The following AGPS variants were observed in gnomAD, a reference collection of about 807,000 sequenced individuals.
AGPS encodes the protein alkyldihydroxyacetonephosphate synthase, peroxisomal.
AGPS carries 26 observed loss-of-function variants against 90.7 expected under a neutral mutation model. The ratio of observed to expected loss-of-function variants is 0.29; its 90% CI spans 0.21 to 0.40. The LOEUF (loss-of-function observed/expected upper bound fraction) is 0.40. Among genes scored for constraint, AGPS ranks in the 10% least tolerant of loss-of-function variants. The pLI is 1.00. For missense variants in AGPS, 540 were observed against 816.1 expected (o/e 0.66, Z 4.12); for synonymous variants, 294 against 285.3 (o/e 1.03, Z -0.31).
intron 14 of AGPS, among the ~76,000 whole-genome samples, chr2:177,502,130 C>A (rs1268729834): frequency 1.3e-5 from 2 of 152,172 alleles, no homozygotes; most frequent in Non-Finnish European, 2.9e-5. Context: ...GTACTTCTAG[C>A]AGTTTTGCTT....
intron 5 of AGPS, among the ~76,000 whole-genome samples, chr2:177,439,301 T>C (rs1033982973): frequency 1.3e-5 from 2 of 152,108 alleles, no homozygotes; most frequent in Admixed American, 6.5e-5. Flanking sequence ...TATTGGGTAG[T>C]GTTAAGTGCT....
chr2:177,410,975 C>T (rs770263823), intron 1 of AGPS, among the ~76,000 whole-genome samples: 2 of 152,044 alleles, frequency 1.3e-5, no homozygotes, highest in African/African-American at 2.4e-5. Flanking sequence ...CCTTGTAGGC[C>T]GCACTGGAAG....
intron 1 of AGPS, among the ~76,000 whole-genome samples, chr2:177,414,704 A>G (rs1261358267): frequency 6.6e-6 from 1 of 152,164 alleles, no homozygotes; most frequent in Non-Finnish European, 1.5e-5. Context: ...GTATATATGG[A>G]AGAAAGAATT....
intron 1 of AGPS, among the ~76,000 whole-genome samples, chr2:177,400,159 C>T (rs1434255815): frequency 6.6e-6 from 1 of 152,142 alleles, no homozygotes; most frequent in Non-Finnish European, 1.5e-5. Context: ...TTCTTAAGTA[C>T]ATCAATTGTT....
At chr2:177,516,227 T>A (rs1286378343) in intron 17 of AGPS, among the ~76,000 whole-genome samples, 1 of 152,164 alleles carries the variant, frequency 6.6e-6, no homozygotes, top group Non-Finnish European at 1.5e-5. Flanking sequence ...AGGGTACATT[T>A]ATTGAGTTCA....
chr2:177,505,380 C>A, intron 14 of AGPS, 126 bp from the exon 15 acceptor site: 1 of 827,502 alleles, frequency 1.2e-6, no homozygotes, highest in Admixed American at 2.2e-5. Flanking sequence ...TAAGATGAAA[C>A]AGAAATATTA....
intron 19 of AGPS, among the ~76,000 whole-genome samples, chr2:177,525,393 G>A (rs949642967): frequency 5.9e-5 from 9 of 152,060 alleles, no homozygotes; most frequent in African/African-American, 2.2e-4. Context: ...TGATTACATG[G>A]GACAGAGGAA....
intron 10 of AGPS, among the ~76,000 whole-genome samples, chr2:177,471,287 T>C (rs1378810242): frequency 6.6e-6 from 1 of 152,204 alleles, no homozygotes; most frequent in Non-Finnish European, 1.5e-5. Flanking sequence ...AGTTAAATCA[T>C]TTGATGACAA....
intron 19 of AGPS, among the ~76,000 whole-genome samples, chr2:177,526,882 TA>T (rs2079093320): frequency 6.6e-6 from 1 of 152,230 alleles, no homozygotes. Flanking sequence ...TAACCTCTTT[TA>T]ATTCTGCTTA....
intron 19 of AGPS, among the ~76,000 whole-genome samples, chr2:177,535,627 A>G (rs1156924010): frequency 6.6e-6 from 1 of 152,190 alleles, no homozygotes; most frequent in Admixed American, 6.6e-5. Flanking sequence ...GAATCTCAAG[A>G]AGACTCCAAT....
intron 8 of AGPS, among the ~76,000 whole-genome samples, chr2:177,450,207 A>G (rs913727891): frequency 6.6e-6 from 1 of 152,134 alleles, no homozygotes; most frequent in Non-Finnish European, 1.5e-5. Flanking sequence ...TATTCTGGGA[A>G]TAAGTCTTTT....
At chr2:177,527,904 T>A (rs1290217057) in intron 19 of AGPS, among the ~76,000 whole-genome samples, 1 of 152,234 alleles carries the variant, frequency 6.6e-6, no homozygotes, top group Non-Finnish European at 1.5e-5. Flanking sequence ...GGTCAAAATA[T>A]GACCGCATGG....
At chr2:177,498,627 T>TA (rs1559073252) in intron 13 of AGPS, among the ~76,000 whole-genome samples, 1 of 117,056 alleles carries the variant, frequency 8.5e-6, no homozygotes, top group South Asian at 2.5e-4. Context: ...AAATGAGAAT[T>TA]TAAAAAAAAA....
intron 5 of AGPS, among the ~76,000 whole-genome samples, chr2:177,438,333 A>C (rs751570061): frequency 5.3e-5 from 8 of 152,168 alleles, no homozygotes; most frequent in African/African-American, 1.2e-4. Context: ...ACGCAGGAGG[A>C]TTACTTGCCT....
At chr2:177,436,139 ATT>A (rs1172040227) in intron 3 of AGPS, among the ~76,000 whole-genome samples, 5 of 82,114 alleles carry the variant, frequency 6.1e-5, no homozygotes, top group Admixed American at 1.9e-4. Context: ...GAAATGCTGA[ATT>A]TTTTTTTTTT....
At chr2:177,495,650 G>A (rs1273296366) in intron 12 of AGPS, among the ~76,000 whole-genome samples, 1 of 151,802 alleles carries the variant, frequency 6.6e-6, no homozygotes, top group Non-Finnish European at 1.5e-5. Context: ...CCTCACGCCT[G>A]TAATCCCAGC....
intron 5 of AGPS, among the ~76,000 whole-genome samples, chr2:177,440,754 T>A (rs977195675): frequency 6.6e-6 from 1 of 152,150 alleles, no homozygotes; most frequent in African/African-American, 2.4e-5. Flanking sequence ...AAAATTTTCG[T>A]ACTATCTTTG....
intron 19 of AGPS, among the ~76,000 whole-genome samples, chr2:177,532,333 A>G (rs2079145851): frequency 6.6e-6 from 1 of 152,222 alleles, no homozygotes; most frequent in South Asian, 2.1e-4. Flanking sequence ...AAGAAGATAT[A>G]CAGATGGCAC....
intron 10 of AGPS, among the ~76,000 whole-genome samples, chr2:177,473,341 A>G (rs1687683315): frequency 6.6e-6 from 1 of 152,246 alleles, no homozygotes; most frequent in Non-Finnish European, 1.5e-5. Flanking sequence ...TTTTCAAATT[A>G]TGAGAGTCAC....
Sources: gnomAD v4.1 joint callset for allele counts (sites outside exome capture counted in the v4.1 genomes callset) on GRCh38, gnomAD v4.1.1 for gene constraint, MANE v1.5 for transcripts, NCBI Gene and HGNC (gene_info 2026-07-23, HGNC 2026-07-21) for gene names.